Variants in GRTP1 observed in about 807,000 individuals in gnomAD.
GRTP1 encodes the protein growth hormone-regulated TBC protein 1.
GRTP1 carries 56 observed loss-of-function variants against 38.1 expected under a neutral mutation model. The observed-to-expected ratio is 1.47, with a 90% CI of 1.19 to 1.84. The LOEUF (loss-of-function observed/expected upper bound fraction) is 1.84, where lower values mean the gene tolerates loss of function less well. Ranked by LOEUF, GRTP1 falls within the 40% of genes most tolerant of loss-of-function variation. The pLI is 0.00. For synonymous variants in GRTP1, 217 were observed against 189.5 expected (o/e 1.14, Z -1.19); for missense variants, 506 against 453.9 (o/e 1.11, Z -1.04).
In GRTP1 at chr13:113,353,513, C is replaced by T. The variant is rs553859750; in HGVS notation, c.340+1810G>A. 8.5e-5 allele frequency among the ~76,000 whole-genome samples: 13 copies of T among 152,304 alleles called. 1 individual carries two copies. In the South Asian group the frequency reaches 2.3e-3, roughly 27 times the overall value. ...GGGAAAGGACCCCAGCTGCAGAGGA[C>T]GCAGCCCACGGGACTCCTCTTATGT... On this transcript the variant is annotated intron_variant, in intron 3 of 7. Coordinates refer to ENST00000375431, the MANE Select transcript of GRTP1 (RefSeq NM_024719.4).
Position 113,343,397 on chromosome 13 carries a change from T to C in GRTP1, c.562+1466A>G, listed in dbSNP as rs7337424. On this transcript the variant is annotated intron_variant, in intron 5 of 7. Coordinates refer to ENST00000375431, the MANE Select transcript of GRTP1 (RefSeq NM_024719.4). This position sits in a 1 kb window ranked among gnomAD's most constrained non-coding sequence, Gnocchi z 4.8. ...GCTCTTCCCACTCCCGGGAGCTCTGTGGGGTTCCCTTCCTCTGGGGCGGCT... is the reference window on the plus strand; with the variant it reads ...GCTCTTCCCACTCCCGGGAGCTCTGCGGGGTTCCCTTCCTCTGGGGCGGCT... Among the ~76,000 whole-genome samples, 37,050 of 151,998 alleles carry C rather than the reference T, an allele frequency of 0.24. 6,305 individuals carry two copies. The highest frequency in any genetic ancestry group is 0.48 in the African/African-American group (20,026 of 41,434).
chr13:113,337,694 C>T (rs1353645398), intron 5 of GRTP1, among the ~76,000 whole-genome samples: 1 of 152,272 alleles, frequency 6.6e-6, no homozygotes, highest in Non-Finnish European at 1.5e-5. Context: ...CCCAAAACAG[C>T]TGTTCCTGAC....
intron 2 of GRTP1, among the ~76,000 whole-genome samples, chr13:113,359,238 A>ATTT (rs2043450324): frequency 6.6e-6 from 1 of 152,246 alleles, no homozygotes; most frequent in African/African-American, 2.4e-5. Flanking sequence ...CTGACTTCAA[A>ATTT]GGACAGGATT....
At chr13:113,344,169 A>G (rs2043065124) in intron 5 of GRTP1, among the ~76,000 whole-genome samples, 1 of 152,216 alleles carries the variant, frequency 6.6e-6, no homozygotes, top group Admixed American at 6.5e-5. Flanking sequence ...GTACAAATAC[A>G]TACATAAAAC....
intron 2 of GRTP1, 52 bp downstream of exon 2, chr13:113,363,710 C>T (rs1201532892): frequency 7.0e-6 from 11 of 1,562,268 alleles, no homozygotes; most frequent in Non-Finnish European, 9.6e-6. Flanking sequence ...CCGGCCCGTC[C>T]CAGCCCAACC....
chr13:113,355,353 T>G lies in GRTP1; in HGVS notation c.310A>C (p.Asn104His). 1 of 1,614,084 alleles carries G rather than the reference T, an allele frequency of 6.2e-7. No individual in the cohort carries two copies. Among genetic ancestry groups the G allele is most frequent in the Non-Finnish European group, 8.5e-7 (1 of 1,179,988 alleles). ...CTGATGGCGTCCTCCAGCCTGGGGT[T>G]TCTCTCTCCCTGGAGAAGCTGGTGG... ...YYHQLLQGER[N>H]PRLEDAIRTD... is the part of the protein sequence containing the mutation. The change falls in exon 3 of 8, where the codon AAC becomes CAC. Residue 104 changes from asparagine (N) to histidine (H), a missense_variant. Asn to His is a moderately conservative substitution (Grantham distance 68, BLOSUM62 1). Coordinates refer to ENST00000375431, the MANE Select transcript of GRTP1 (RefSeq NM_024719.4).
At position 113,325,847 on chromosome 13, in the gene GRTP1, C is replaced by T; in HGVS notation, c.736-1G>A. On this transcript the variant is annotated splice_acceptor_variant, in intron 6 of 7. Coordinates refer to ENST00000375431, the MANE Select transcript of GRTP1 (RefSeq NM_024719.4). LOFTEE classifies it high-confidence loss of function. ...AACAGTCCCAGATCCGAAGCACTGTCTGCAGAGACATGGGAACCCGGTGTC... is the reference window on the plus strand; with the variant it reads ...AACAGTCCCAGATCCGAAGCACTGTTTGCAGAGACATGGGAACCCGGTGTC... 6.2e-7 allele frequency: 1 copy of T among 1,614,008 alleles called. No individual in the cohort carries two copies. Among genetic ancestry groups the T allele is most frequent in the Non-Finnish European group, 8.5e-7 (1 of 1,179,914 alleles).
At chr13:113,341,742 G>A (rs2043028985) in intron 5 of GRTP1, among the ~76,000 whole-genome samples, 1 of 152,166 alleles carries the variant, frequency 6.6e-6, no homozygotes. Flanking sequence ...ACATACATCA[G>A]ACTGATGATA....
chr13:113,352,290 ATTTATATATAT>A (rs1319864302), intron 3 of GRTP1, among the ~76,000 whole-genome samples: 1 of 48,468 alleles, frequency 2.1e-5, no homozygotes, highest in African/African-American at 9.6e-5. Flanking sequence ...ATTTATATAT[ATTTATATATAT>A]TTTATATATA....
intron 1 of GRTP1, 34 bp from the exon 2 acceptor site, chr13:113,363,944 G>T: frequency 1.2e-6 from 2 of 1,603,398 alleles, no homozygotes; most frequent in Non-Finnish European, 1.7e-6. Context: ...CGGCGTCCCC[G>T]AAGTTTCCTC....
intron 2 of GRTP1, among the ~76,000 whole-genome samples, chr13:113,361,109 CAAAAA>C (rs57785391): frequency 5.4e-5 from 5 of 92,936 alleles, no homozygotes; most frequent in Admixed American, 1.1e-4. Flanking sequence ...GACTTTGACT[CAAAAA>C]AAAAAAAAAA....
chr13:113,347,483 T>C (rs76832710), intron 4 of GRTP1, among the ~76,000 whole-genome samples: 4,907 of 17,064 alleles, frequency 0.29, 982 homozygotes, highest in Middle Eastern at 0.46. Context: ...AGAGCAGACC[T>C]GGGAGGACCT....
intron 5 of GRTP1, among the ~76,000 whole-genome samples, chr13:113,334,277 A>C (rs957751558): frequency 5.5e-5 from 6 of 109,838 alleles, no homozygotes; most frequent in African/African-American, 1.8e-4. Flanking sequence ...CTGCACTGCC[A>C]CGACAGCCTC....
At chr13:113,345,236 C>A (rs571494842) in intron 4 of GRTP1, among the ~76,000 whole-genome samples, 1 of 152,214 alleles carries the variant, frequency 6.6e-6, no homozygotes, top group Non-Finnish European at 1.5e-5. Context: ...CTAATGGTAA[C>A]CTTGTGATAA....
intron 5 of GRTP1, among the ~76,000 whole-genome samples, chr13:113,334,280 A>ACTGGCCCCCCCCCCCCCCC (rs1202504022): frequency 7.0e-6 from 1 of 142,480 alleles, no homozygotes. Flanking sequence ...CACTGCCACG[A>ACTGGCCCCCCCCCCCCCCC]CAGCCTCCCG....
intron 5 of GRTP1, among the ~76,000 whole-genome samples, chr13:113,333,583 C>A (rs9577510): frequency 0.032 from 4,806 of 152,224 alleles, 210 homozygotes; most frequent in East Asian, 0.21. Context: ...CGGCTCACTG[C>A]AACCTCCACC....
intron 4 of GRTP1, among the ~76,000 whole-genome samples, chr13:113,347,353 A>T (rs1482108210): frequency 3.8e-4 from 30 of 79,090 alleles, no homozygotes; most frequent in South Asian, 9.6e-4. Context: ...TCTGTGGCCA[A>T]GAACAGATCC....
rs554044980 is a variant in GRTP1, at chr13:113,344,648, G to T, written c.562+215C>A. ...GAATCACTTGAACCCGGGAGGCAGA[G>T]GTTCCAGTCAGCCAAGATCACACCA... is the stretch of plus-strand genomic sequence containing the variant. On this transcript the variant is annotated intron_variant, in intron 5 of 7. Transcript: ENST00000375431. Among the ~76,000 whole-genome samples the T allele has an allele frequency of 1.3e-4, 19 of 143,878 alleles. No individual in the cohort carries two copies. The South Asian group carries it at 1.6e-3, about 12-fold the overall frequency. The allele number at this position is 143,878 out of a possible 152,430, so 94.4% of individuals were successfully genotyped here.
At chr13:113,347,243 C>T (rs55738000) in intron 4 of GRTP1, among the ~76,000 whole-genome samples, 1 of 52,780 alleles carries the variant, frequency 1.9e-5, no homozygotes, top group East Asian at 4.3e-4. Context: ...TGAGAGCGGA[C>T]CTGGGAGGAC....
Sources: gnomAD v4.1 joint callset for allele counts (sites outside exome capture counted in the v4.1 genomes callset) on GRCh38, gnomAD v4.1.1 for gene constraint, Gnocchi (gnomAD v3.1) non-coding constraint, MANE v1.5 for transcripts, NCBI Gene and HGNC (gene_info 2026-07-23, HGNC 2026-07-21) for gene names.